The following COG5 variants were observed in gnomAD, a reference collection of about 807,000 sequenced individuals.
The protein encoded by COG5 is component of oligomeric golgi complex 5.
A neutral mutation model predicts 110.4 loss-of-function variants in COG5; 86 were observed. The observed-to-expected ratio is 0.78, with a 90% CI of 0.65 to 0.93. COG5 has a LOEUF of 0.93. Among genes scored for constraint, COG5 ranks in the 40% least tolerant of loss-of-function variants. The pLI is 0.00. For missense variants in COG5, 1,077 were observed against 987.0 expected (o/e 1.09, Z -1.22); for synonymous variants, 360 against 334.6 (o/e 1.08, Z -0.83).
At chr7:107,295,938 G>GCAC (rs2116901342) in intron 12 of COG5, among the ~76,000 whole-genome samples, 1 of 152,156 alleles carries the variant, frequency 6.6e-6, no homozygotes, top group Admixed American at 6.5e-5. Flanking sequence ...TTACAGGCAT[G>GCAC]CACCACCACG....
intron 6 of COG5, among the ~76,000 whole-genome samples, chr7:107,513,022 G>A (rs1326223576): frequency 1.3e-5 from 2 of 152,022 alleles, no homozygotes; most frequent in East Asian, 1.9e-4. Flanking sequence ...AAAAGCAATG[G>A]CAACAAAAGA....
intron 19 of COG5, among the ~76,000 whole-genome samples, chr7:107,222,396 G>A (rs577196612): frequency 6.6e-6 from 1 of 152,164 alleles, no homozygotes; most frequent in Admixed American, 6.5e-5. Context: ...AGTAGAGACA[G>A]GATTTCACTA....
chr7:107,401,246 T>C (rs765771869), intron 7 of COG5, among the ~76,000 whole-genome samples: 12 of 152,040 alleles, frequency 7.9e-5, no homozygotes, highest in East Asian at 1.9e-4. Flanking sequence ...AAAAAGGACA[T>C]GTCACACAAC....
At chr7:107,357,413 T>C (rs1286408848) in intron 10 of COG5, among the ~76,000 whole-genome samples, 3 of 152,130 alleles carry the variant, frequency 2.0e-5, no homozygotes, top group African/African-American at 4.8e-5. Context: ...TTCATAAATA[T>C]TGCCCTTAAA....
At chr7:107,324,562 G>T in intron 10 of COG5, 41 bp from the exon 11 acceptor site, 2 of 1,223,754 alleles carry the variant, frequency 1.6e-6, no homozygotes, top group Middle Eastern at 2.0e-4. Context: ...ATAAAAAAAT[G>T]CATTTATTTT....
At chr7:107,276,621 T>C (rs907339696) in intron 14 of COG5, among the ~76,000 whole-genome samples, 5 of 152,134 alleles carry the variant, frequency 3.3e-5, no homozygotes, top group Admixed American at 3.3e-4. Flanking sequence ...CCACTGTACT[T>C]CAGGCTGGCC....
chr7:107,275,659 G>A (rs1361895511), intron 14 of COG5, among the ~76,000 whole-genome samples: 1 of 151,852 alleles, frequency 6.6e-6, no homozygotes, highest in South Asian at 2.1e-4. Flanking sequence ...GGGTTCATGC[G>A]ATTCTCCTGG....
intron 1 of COG5, chr7:107,563,456 C>T (rs1012417613): frequency 6.5e-5 from 26 of 401,458 alleles, no homozygotes; most frequent in African/African-American, 4.5e-4. Flanking sequence ...ACGCTACACC[C>T]CTTCGTCAAG....
At chr7:107,551,548 G>A (rs1802890695) in intron 3 of COG5, among the ~76,000 whole-genome samples, 1 of 152,098 alleles carries the variant, frequency 6.6e-6, no homozygotes, top group Non-Finnish European at 1.5e-5. Flanking sequence ...TTACTTTTCA[G>A]CATCTCAAAA....
intron 6 of COG5, among the ~76,000 whole-genome samples, chr7:107,424,718 A>G (rs1184543601): frequency 1.3e-5 from 2 of 152,158 alleles, no homozygotes; most frequent in Non-Finnish European, 2.9e-5. Flanking sequence ...CATTTACATT[A>G]TACCTTTTTT....
chr7:107,412,041 G>C (rs1331496837), intron 7 of COG5, among the ~76,000 whole-genome samples: 2 of 152,108 alleles, frequency 1.3e-5, no homozygotes, highest in African/African-American at 4.8e-5. Context: ...AGAGTGCAAA[G>C]TTCTGGGACT....
rs1212187348 is a variant in COG5 at position 107,546,608 on chromosome 7, G to A, written c.417+1503C>T. On this transcript the variant is annotated intron_variant, in intron 5 of 21. Transcript: ENST00000297135. ...GTCACCATGCCTTGCTATAAGAGTT[G>A]GTGTTTTGAATAGATAAATCAAATC... Among the ~76,000 whole-genome samples, 3 of 150,406 alleles carry A rather than the reference G, an allele frequency of 2.0e-5. No individual in the cohort carries two copies. In the East Asian group the frequency reaches 5.8e-4, roughly 29 times the overall value.
chr7:107,452,797 A>G (rs143463730), intron 6 of COG5, among the ~76,000 whole-genome samples: 10 of 152,116 alleles, frequency 6.6e-5, no homozygotes, highest in Admixed American at 2.0e-4. Context: ...CCCCATCTTT[A>G]ATTTCTTCTA....
At chr7:107,243,511 CAAAA>C (rs759045963) in intron 17 of COG5, among the ~76,000 whole-genome samples, 2 of 78,552 alleles carry the variant, frequency 2.5e-5, no homozygotes, top group African/African-American at 5.1e-5. Context: ...GACTCCATCT[CAAAA>C]AAAAAAAAAA....
intron 6 of COG5, among the ~76,000 whole-genome samples, chr7:107,440,695 C>T (rs1363571915): frequency 6.6e-6 from 1 of 152,072 alleles, no homozygotes; most frequent in Non-Finnish European, 1.5e-5. Flanking sequence ...ATGATTTAAT[C>T]AATCATCGTT....
chr7:107,338,056 A>AT (rs773756548), intron 10 of COG5, among the ~76,000 whole-genome samples: 22 of 152,068 alleles, frequency 1.4e-4, no homozygotes, highest in Non-Finnish European at 2.8e-4. Context: ...AAAAACCCAC[A>AT]TTTTTGTCCA....
intron 16 of COG5, among the ~76,000 whole-genome samples, chr7:107,251,050 C>T (rs1338311084): frequency 7.1e-6 from 1 of 141,174 alleles, no homozygotes; most frequent in Non-Finnish European, 1.5e-5. Flanking sequence ...AGATCCCAAA[C>T]AGGATAATTT....
At chr7:107,397,003 G>T (rs1176511551) in intron 7 of COG5, among the ~76,000 whole-genome samples, 1 of 152,150 alleles carries the variant, frequency 6.6e-6, no homozygotes, top group African/African-American at 2.4e-5. Flanking sequence ...ATTAGCTATT[G>T]CCCAAAACTA....
At chr7:107,459,848 AGAG>A (rs1795883429) in intron 6 of COG5, among the ~76,000 whole-genome samples, 1 of 152,052 alleles carries the variant, frequency 6.6e-6, no homozygotes, top group African/African-American at 2.4e-5. Context: ...CGGTAAGGCT[AGAG>A]AAGATTGTAC....
Sources: allele counts gnomAD v4.1 joint callset (sites outside exome capture counted in the v4.1 genomes callset), GRCh38; gene constraint gnomAD v4.1.1; transcripts MANE v1.5; gene names NCBI Gene and HGNC (gene_info 2026-07-23, HGNC 2026-07-21).